PTPRF: variants seen among roughly 807,000 people sequenced by gnomAD.
PTPRF encodes receptor-type tyrosine-protein phosphatase F.
A neutral mutation model predicts 201.8 loss-of-function variants in PTPRF; 59 were observed. The observed-to-expected ratio is 0.29, with a 90% CI of 0.24 to 0.36. The LOEUF is 0.36. PTPRF is among the 10% of genes least tolerant of loss of function. The probability of loss-of-function intolerance (pLI) is 1.00; values close to 1 mark genes in which losing one functional copy is unlikely to be tolerated. For missense variants in PTPRF, 2,132 were observed against 2,690.5 expected (o/e 0.79, Z 4.59); for synonymous variants, 1,088 against 1,089.7 (o/e 1.00, Z 0.03).
At chr1:43,569,535 G>T (rs1379286209) in intron 5 of PTPRF, 55 bp from the exon 6 acceptor site, 2 of 1,527,780 alleles carry the variant, frequency 1.3e-6, no homozygotes, top group Non-Finnish European at 1.8e-6. Flanking sequence ...CCCCAGAGGG[G>T]TCATAGGGGG....
At chr1:43,579,425 T>TG in intron 7 of PTPRF, 1 of 353,172 alleles carries the variant, frequency 2.8e-6, no homozygotes, top group East Asian at 7.4e-5. Flanking sequence ...GCCTATCCTC[T>TG]GGCCAGGTCT....
upstream of PTPRF, among the ~76,000 whole-genome samples, chr1:43,528,106 G>A (rs1386363279): frequency 6.6e-6 from 1 of 152,208 alleles, no homozygotes; most frequent in Non-Finnish European, 1.5e-5. Flanking sequence ...GTGACAGCCA[G>A]GATGGCTTCC....
intron 21 of PTPRF, among the ~76,000 whole-genome samples, chr1:43,607,605 C>A (rs1655439770): frequency 6.6e-6 from 1 of 152,248 alleles, no homozygotes; most frequent in African/African-American, 2.4e-5. Context: ...TTGTCACTCT[C>A]AGTTTAAAAC....
In PTPRF at chr1:43,554,302, G is replaced by A. The variant is rs1569807534; in HGVS notation, c.379+361G>A. On this transcript the variant is annotated intron_variant, in intron 5 of 33. Coordinates refer to ENST00000359947, the MANE Select transcript of PTPRF (RefSeq NM_002840.5). The surrounding 1 kb of genome is among the most constrained non-coding windows in gnomAD (Gnocchi z 4.1). ...TGAACCGGATTTCCATGTGGAGCCT[G>A]GCCGTAGGTGTCAGGCAGGTGTGTT... Among the ~76,000 whole-genome samples, 1 of 152,190 alleles carries A rather than the reference G, an allele frequency of 6.6e-6. No individual in the cohort carries two copies. Among genetic ancestry groups the A allele is most frequent in the African/African-American group, 2.4e-5 (1 of 41,436 alleles).
At chr1:43,563,995 G>A (rs891492750) in intron 5 of PTPRF, among the ~76,000 whole-genome samples, 7 of 152,178 alleles carry the variant, frequency 4.6e-5, no homozygotes, top group South Asian at 2.1e-4. Context: ...GGGATGACTG[G>A]GAGGGGGACG....
chr1:43,562,255 C>T (rs1354794353), intron 5 of PTPRF, among the ~76,000 whole-genome samples: 2 of 152,014 alleles, frequency 1.3e-5, no homozygotes, highest in East Asian at 1.9e-4. Context: ...ACTACAGGCA[C>T]GCGCCACCAC....
intron 1 of PTPRF, among the ~76,000 whole-genome samples, chr1:43,532,107 C>T (rs1279789752): frequency 2.0e-5 from 3 of 152,168 alleles, no homozygotes; most frequent in Non-Finnish European, 1.5e-5. Flanking sequence ...CTCCCTGGGT[C>T]TCTGTCTCCC....
chr1:43,619,372 T>C lies in PTPRF; in HGVS notation c.4731T>C (p.Tyr1577=). ...RMKHEKTVDI[Y]GHVTCMRSQR... ...AGCACGAGAAGACGGTGGACATCTA[T>C]GGCCACGTGACCTGCATGCGATCAC... Residue 1577 remains tyrosine (Y), a synonymous_variant, in exon 28 of 34, where the codon TAT becomes TAC. Transcript: ENST00000359947. 1 of 1,614,044 alleles carries C rather than the reference T, an allele frequency of 6.2e-7. No homozygotes were observed. The highest frequency in any genetic ancestry group is 1.6e-4 in the Middle Eastern group (1 of 6,062).
rs186096024 is a variant in PTPRF, at chr1:43,615,504, A to G, written c.4071+1789A>G. 1.2e-3 allele frequency among the ~76,000 whole-genome samples: 171 copies of G among 146,730 alleles called. 2 individuals carry two copies. The highest frequency in any genetic ancestry group is 4.1e-3 in the African/African-American group (161 of 39,472). ...CCAGGAAGCCTTCTCAGGCTCCCCA[A>G]GGCTGCCGTGGGCTCTCCCTCAGCC... On this transcript the variant is annotated intron_variant, in intron 23 of 33. Transcript: ENST00000359947.
At chr1:43,549,469 C>T (rs1181601002) in intron 3 of PTPRF, among the ~76,000 whole-genome samples, 1 of 152,172 alleles carries the variant, frequency 6.6e-6, no homozygotes, top group Non-Finnish European at 1.5e-5. Context: ...GAGGGCCTGG[C>T]CTGTCAGGGT....
At chr1:43,585,052 A>G (rs1454790271) in intron 7 of PTPRF, among the ~76,000 whole-genome samples, 1 of 152,244 alleles carries the variant, frequency 6.6e-6, no homozygotes, top group Non-Finnish European at 1.5e-5. Flanking sequence ...TGTCAGCACT[A>G]AGGATGCACA....
rs541382401 is a variant in PTPRF, at chr1:43,603,343, C to A, written c.2341-73C>A. ...CCCGGGGCTCCCCTCAGGCTAGGGTCCTGAGGTCCCTGACAAGGTCTGGCC... is the reference window on the plus strand; with the variant it reads ...CCCGGGGCTCCCCTCAGGCTAGGGTACTGAGGTCCCTGACAAGGTCTGGCC... On this transcript the variant is annotated intron_variant, in intron 14 of 33. Coordinates refer to ENST00000359947, the MANE Select transcript of PTPRF (RefSeq NM_002840.5). This position sits in a 1 kb window ranked among gnomAD's most constrained non-coding sequence, Gnocchi z 5.8. 3 of 1,384,322 alleles carry A rather than the reference C, an allele frequency of 2.2e-6. No homozygotes were observed. The highest frequency in any genetic ancestry group is 3.1e-6 in the Non-Finnish European group (3 of 972,562). 85.8% of individuals were successfully genotyped at this position (1,384,322 alleles called of 1,614,324 possible). A position where few individuals can be genotyped will look rare whatever the true frequency, so the allele number is the denominator to read the frequency against.
intron 3 of PTPRF, among the ~76,000 whole-genome samples, chr1:43,548,329 G>A (rs1420921310): frequency 3.9e-5 from 6 of 151,952 alleles, no homozygotes; most frequent in Non-Finnish European, 7.4e-5. Flanking sequence ...TGGCTGGAGG[G>A]GTGGGTGGCG....
chr1:43,594,139 ACAG>A (rs1651612153), intron 11 of PTPRF, among the ~76,000 whole-genome samples: 2 of 152,178 alleles, frequency 1.3e-5, no homozygotes, highest in Non-Finnish European at 2.9e-5. Context: ...CAGCTGCAGC[ACAG>A]CAGGTGCTTC....
rs553679201 is a variant in PTPRF, at chr1:43,565,326, A to G, written c.380-4264A>G. Among the ~76,000 whole-genome samples the G allele has an allele frequency of 3.3e-5, 5 of 152,298 alleles. 1 individual carries two copies. Among genetic ancestry groups the G allele is most frequent in the Non-Finnish European group, 2.9e-5 (2 of 68,024 alleles). ...GTCATCGTCTTCTGCCCATGGGGCA[A>G]CCAAACCTCTCCACGGAAGGGGACA... On this transcript the variant is annotated intron_variant, in intron 5 of 33. Coordinates refer to ENST00000359947, the MANE Select transcript of PTPRF (RefSeq NM_002840.5).
At chr1:43,565,964 G>A (rs1386643561) in intron 5 of PTPRF, among the ~76,000 whole-genome samples, 1 of 152,246 alleles carries the variant, frequency 6.6e-6, no homozygotes, top group Non-Finnish European at 1.5e-5. Flanking sequence ...GCGCCAACAG[G>A]AGGCGATTTG....
chr1:43,617,628 A>G, intron 24 of PTPRF, 60 bp downstream of exon 24: 15 of 1,609,618 alleles, frequency 9.3e-6, no homozygotes, highest in African/African-American at 2.7e-5. Context: ...CTAGGGCAAC[A>G]TGTCATTCTA....
chr1:43,560,300 G>T (rs1228987519), intron 5 of PTPRF, among the ~76,000 whole-genome samples: 1 of 151,642 alleles, frequency 6.6e-6, no homozygotes, highest in Non-Finnish European at 1.5e-5. Flanking sequence ...TATTTGTGCA[G>T]CAGGCCATGT....
intron 5 of PTPRF, among the ~76,000 whole-genome samples, chr1:43,565,878 C>CG (rs916400731): frequency 1.3e-5 from 2 of 152,004 alleles, no homozygotes; most frequent in African/African-American, 4.8e-5. Flanking sequence ...AGCCCTTCCG[C>CG]GGCAGCGCCC....
Sources: allele counts gnomAD v4.1 joint callset (sites outside exome capture counted in the v4.1 genomes callset), GRCh38; gene constraint gnomAD v4.1.1; non-coding constraint Gnocchi (gnomAD v3.1); transcripts MANE v1.5; gene names NCBI Gene and HGNC (gene_info 2026-07-23, HGNC 2026-07-21).